MTCH2: variants seen among roughly 807,000 people sequenced by gnomAD.
MTCH2 encodes the protein mitochondrial carrier homolog 2.
A neutral mutation model predicts 50.6 loss-of-function variants in MTCH2; 25 were observed. The observed-to-expected ratio is 0.49, with a 90% CI of 0.36 to 0.69. The LOEUF (loss-of-function observed/expected upper bound fraction) is 0.69, where lower values mean the gene tolerates loss of function less well. MTCH2 is among the 30% of genes least tolerant of loss of function. The pLI is 0.00. For missense variants in MTCH2, 273 were observed against 384.4 expected (o/e 0.71, Z 2.42); for synonymous variants, 106 against 132.0 (o/e 0.80, Z 1.35).
chr11:47,625,782 T>C (rs1041011193), intron 10 of MTCH2, 41 bp from the exon 11 acceptor site: 4 of 1,514,410 alleles, frequency 2.6e-6, no homozygotes, highest in Non-Finnish European at 2.7e-6. Context: ...AGATCATTCC[T>C]AGTCTTTATT....
the MTCH2 span, among the ~76,000 whole-genome samples, chr11:47,611,137 C>T: frequency 3.9e-5 from 6 of 152,234 alleles, no homozygotes; most frequent in Non-Finnish European, 5.9e-5. Context: ...GGACAGTAAG[C>T]GCCAAAGAGG....
chr11:47,627,628 ATTT>A (rs1275344585), intron 9 of MTCH2, among the ~76,000 whole-genome samples: 3 of 140,990 alleles, frequency 2.1e-5, no homozygotes, highest in Non-Finnish European at 1.5e-5. Context: ...TTGAAAATTA[ATTT>A]TTTTTTTTTT....
chr11:47,631,613 C>T (rs746574483), intron 6 of MTCH2, 41 bp downstream of exon 6: 1 of 1,600,818 alleles, frequency 6.2e-7, no homozygotes, highest in Non-Finnish European at 8.6e-7. Flanking sequence ...CAGGAGAGAT[C>T]AGGTTATAAA....
downstream of MTCH2, among the ~76,000 whole-genome samples, chr11:47,613,394 T>C (rs2097286645): frequency 6.6e-6 from 1 of 152,140 alleles, no homozygotes. Flanking sequence ...GAAACTACCA[T>C]GCCACCTTGG....
intron 7 of MTCH2, 97 bp from the exon 8 acceptor site, chr11:47,630,711 C>A: frequency 9.0e-7 from 1 of 1,105,104 alleles, no homozygotes; most frequent in Non-Finnish European, 1.3e-6. Flanking sequence ...GTCAAATCCA[C>A]GACCTCCTTC....
chr11:47,625,892 T>C (rs1220921202), intron 10 of MTCH2, 151 bp from the exon 11 acceptor site: 1 of 560,840 alleles, frequency 1.8e-6, no homozygotes, highest in Non-Finnish European at 3.1e-6. Flanking sequence ...GTTACAGTTT[T>C]GAGCCTGGAG....
At position 47,629,194 on chromosome 11, in the gene MTCH2, A is replaced by C. The variant is rs114072771; in HGVS notation, c.540-148T>G. The C allele has an allele frequency of 2.1e-3, 1,363 of 640,578 alleles. 13 individuals carry two copies. The African/African-American group carries it at 0.022, about 10-fold the overall frequency. 39.7% of individuals were successfully genotyped at this position (640,578 alleles called of 1,614,324 possible). A position where few individuals can be genotyped will look rare whatever the true frequency, so the allele number is the denominator to read the frequency against. The stretch of plus-strand genomic sequence containing the variant: ...AATCAAACACCAGAATCCAGCCCGC[A>C]TACCTAGTTCATTCTCGTTAACACA... On this transcript the variant is annotated intron_variant, in intron 8 of 12. Transcript: ENST00000302503.
chr11:47,631,653 C>A lies in MTCH2; in HGVS notation c.427+1G>T. The A allele has an allele frequency of 6.2e-7, 1 of 1,613,872 alleles. No individual in the cohort carries two copies. The highest frequency in any genetic ancestry group is 8.5e-7 in the Non-Finnish European group (1 of 1,179,924). On this transcript the variant is annotated splice_donor_variant, in intron 6 of 12. Transcript: ENST00000302503. LOFTEE classifies it high-confidence loss of function. ...AGGTCAGTTGTCAACTGCAAACATA[C>A]CATGGAAGGGATGTGTGATGAGGGT...
intron 11 of MTCH2, 120 bp downstream of exon 11, chr11:47,625,554 A>T (rs2097297309): frequency 2.6e-6 from 2 of 766,100 alleles, no homozygotes; most frequent in Non-Finnish European, 4.2e-6. Flanking sequence ...CCCCCTTTTT[A>T]AAAAAATACC....
At chr11:47,622,610 G>A in intron 12 of MTCH2, 91 bp downstream of exon 12, 1 of 1,041,064 alleles carries the variant, frequency 9.6e-7, no homozygotes, top group Non-Finnish European at 1.4e-6. Context: ...AGCTACAAGA[G>A]TTAACTTGGG....
At chr11:47,638,545 C>CAAAAA (rs59317101) in intron 3 of MTCH2, among the ~76,000 whole-genome samples, 154 bp downstream of exon 3, 83 of 52,254 alleles carry the variant, frequency 1.6e-3, no homozygotes, top group Non-Finnish European at 1.8e-3. Flanking sequence ...GACTCCATCT[C>CAAAAA]AAAAAAAAAA....
chr11:47,608,866 G>GAGAA, the MTCH2 span, among the ~76,000 whole-genome samples: 1 of 151,418 alleles, frequency 6.6e-6, no homozygotes, highest in Non-Finnish European at 1.5e-5. Flanking sequence ...GCTGAGGCAG[G>GAGAA]AGAATGGCGT....
Position 47,618,409 on chromosome 11 carries a change from G to A in MTCH2, c.*424C>T. On this transcript the variant is annotated 3_prime_UTR_variant, in exon 13 of 13. Transcript: ENST00000302503. ...TACTGACATTTTAGGGTCTACCCAA[G>A]AAAAAGTAATTCATAACCTCCCATA... 4.3e-6 allele frequency: 1 copy of A among 230,184 alleles called. No homozygotes were observed. Among genetic ancestry groups the A allele is most frequent in the Admixed American group, 5.6e-5 (1 of 17,756 alleles). 14.3% of individuals were successfully genotyped at this position (230,184 alleles called of 1,614,324 possible). A position where few individuals can be genotyped will look rare whatever the true frequency, so the allele number is the denominator to read the frequency against.
intron 5 of MTCH2, 72 bp downstream of exon 5, chr11:47,634,600 G>T: frequency 1.7e-6 from 2 of 1,191,728 alleles, no homozygotes; most frequent in Non-Finnish European, 1.2e-6. Context: ...CAGGCCTGAT[G>T]ATTCTGATTC....
At chr11:47,615,047 T>C (rs1411770390), downstream of MTCH2, among the ~76,000 whole-genome samples, 1 of 130,064 alleles carries the variant, frequency 7.7e-6, no homozygotes, top group Non-Finnish European at 1.6e-5. Flanking sequence ...TTTTTTTTTT[T>C]TTTTTTTTTT....
intron 8 of MTCH2, among the ~76,000 whole-genome samples, chr11:47,629,876 C>T (rs1389713014): frequency 2.0e-5 from 3 of 151,740 alleles, no homozygotes; most frequent in Admixed American, 6.6e-5. Context: ...TACTCTTTTA[C>T]GGTAAGGAAA....
downstream of MTCH2, among the ~76,000 whole-genome samples, chr11:47,612,400 T>C (rs1163889488): frequency 6.6e-6 from 1 of 152,018 alleles, no homozygotes; most frequent in Admixed American, 6.6e-5. Flanking sequence ...ACCCCGTCTC[T>C]ACTAAAAATA....
At chr11:47,605,016 C>T in the MTCH2 span, among the ~76,000 whole-genome samples, 8 of 151,932 alleles carry the variant, frequency 5.3e-5, 1 homozygote, top group Admixed American at 2.0e-4. Flanking sequence ...CTGCAAGCTC[C>T]GCCTCCCAGG....
chr11:47,609,572 A>G, the MTCH2 span, among the ~76,000 whole-genome samples: 1 of 135,206 alleles, frequency 7.4e-6, no homozygotes, highest in South Asian at 2.6e-4. Context: ...GGTTGCAGTG[A>G]GTTGGGATCG....
Sources: allele counts gnomAD v4.1 joint callset (sites outside exome capture counted in the v4.1 genomes callset), GRCh38; gene constraint gnomAD v4.1.1; transcripts MANE v1.5; gene names NCBI Gene and HGNC (gene_info 2026-07-23, HGNC 2026-07-21).